TAOK1: variants seen among roughly 807,000 people sequenced by gnomAD.
TAOK1 encodes serine/threonine-protein kinase TAO1.
A neutral mutation model predicts 138.3 loss-of-function variants in TAOK1; 21 were observed. The ratio of observed to expected loss-of-function variants is 0.15; its 90% confidence interval spans 0.11 to 0.22. The LOEUF is 0.22. Ranked by LOEUF, TAOK1 falls within the 10% of genes least tolerant of loss-of-function variation. TAOK1 has a pLI of 1.00. For synonymous variants in TAOK1, 361 were observed against 398.4 expected (o/e 0.91, Z 1.12); for missense variants, 651 against 1,227.7 (o/e 0.53, Z 7.02).
At chr17:29,479,679 T>C (rs1046041249) in intron 6 of TAOK1, among the ~76,000 whole-genome samples, 2 of 152,174 alleles carry the variant, frequency 1.3e-5, no homozygotes, top group African/African-American at 4.8e-5. Flanking sequence ...GGCTTGGAAA[T>C]TCAGCACTTT....
chr17:29,427,604 G>A (rs1380312417), intron 1 of TAOK1, among the ~76,000 whole-genome samples: 2 of 150,778 alleles, frequency 1.3e-5, no homozygotes, highest in East Asian at 3.9e-4. Flanking sequence ...TAGGGTTTTT[G>A]GAAGCAGAGA....
At chr17:29,397,735 A>G (rs1203818460) in intron 1 of TAOK1, among the ~76,000 whole-genome samples, 1 of 117,864 alleles carries the variant, frequency 8.5e-6, no homozygotes, top group Non-Finnish European at 1.9e-5. Context: ...ATATACATAT[A>G]TACACGTATA....
At chr17:29,440,957 C>G (rs1399468163) in intron 1 of TAOK1, among the ~76,000 whole-genome samples, 1 of 152,026 alleles carries the variant, frequency 6.6e-6, no homozygotes, top group Non-Finnish European at 1.5e-5. Context: ...TGGGTTTTTT[C>G]CCTTCATTTT....
intron 1 of TAOK1, among the ~76,000 whole-genome samples, chr17:29,400,896 GTTTGCCTCTTT>G (rs1904817780): frequency 1.5e-5 from 2 of 132,356 alleles, no homozygotes; most frequent in Non-Finnish European, 3.2e-5. Context: ...GGAAACTTTT[GTTTGCCTCTTT>G]TTTTTTTTTT....
chr17:29,423,214 T>C (rs1905512263), intron 1 of TAOK1, among the ~76,000 whole-genome samples: 1 of 137,000 alleles, frequency 7.3e-6, no homozygotes, highest in East Asian at 2.9e-4. Context: ...TACTAAATCT[T>C]TCTTCTTTTC....
At chr17:29,433,863 C>G (rs1204559764) in intron 1 of TAOK1, among the ~76,000 whole-genome samples, 1 of 151,980 alleles carries the variant, frequency 6.6e-6, no homozygotes, top group Non-Finnish European at 1.5e-5. Context: ...CGGACGAAGA[C>G]CGATCTTAAC....
intron 18 of TAOK1, among the ~76,000 whole-genome samples, chr17:29,532,648 GTACC>G (rs1348576148): frequency 1.9e-4 from 29 of 152,298 alleles, no homozygotes; most frequent in Non-Finnish European, 4.4e-5. Flanking sequence ...GTTTCGGAGA[GTACC>G]GGGTTGGGGG....
At chr17:29,430,713 C>T (rs939810980) in intron 1 of TAOK1, among the ~76,000 whole-genome samples, 2 of 152,178 alleles carry the variant, frequency 1.3e-5, no homozygotes, top group Non-Finnish European at 2.9e-5. Flanking sequence ...TCTCCTGCCT[C>T]ATCTTCCTCT....
chr17:29,472,147 G>A (rs1451762021), intron 3 of TAOK1, among the ~76,000 whole-genome samples: 3 of 152,034 alleles, frequency 2.0e-5, no homozygotes, highest in Non-Finnish European at 4.4e-5. Flanking sequence ...CCATGAGTCG[G>A]AAACGTTCTT....
chr17:29,395,217 C>T (rs1028384368), intron 1 of TAOK1, among the ~76,000 whole-genome samples: 5 of 152,142 alleles, frequency 3.3e-5, no homozygotes, highest in African/African-American at 9.7e-5. Context: ...GCACTCTAGC[C>T]TGGGTGACAG....
chr17:29,535,343 G>C (rs900705798), intron 19 of TAOK1, among the ~76,000 whole-genome samples: 6 of 151,812 alleles, frequency 4.0e-5, no homozygotes, highest in Admixed American at 3.9e-4. Context: ...AACAGTGGTC[G>C]ATTATCAATT....
rs1425374847 is a variant in TAOK1, at chr17:29,482,174, TTTAAA to T, written c.564-18_564-14del. On this transcript the variant is annotated intron_variant, in intron 7 of 19. Transcript: ENST00000261716. ...AATACTTTTTAAAAAAAATCTTTAATTTAAATTAACGTTTTGTTCTAGGATGGCCC... is the reference window on the plus strand; with the variant it reads ...AATACTTTTTAAAAAAAATCTTTAATTTAACGTTTTGTTCTAGGATGGCCC... The T allele has an allele frequency of 2.9e-5, 45 of 1,567,374 alleles. No homozygotes were observed. Among genetic ancestry groups the T allele is most frequent in the African/African-American group, 2.6e-4 (19 of 73,352 alleles).
intron 1 of TAOK1, among the ~76,000 whole-genome samples, chr17:29,414,808 C>T (rs1905230263): frequency 6.6e-6 from 1 of 152,110 alleles, no homozygotes; most frequent in African/African-American, 2.4e-5. Flanking sequence ...ATCCGCCCGC[C>T]TTGGCCTCCC....
intron 2 of TAOK1, among the ~76,000 whole-genome samples, chr17:29,453,158 C>CT (rs1273106911): frequency 0.065 from 8,694 of 133,276 alleles, 386 homozygotes; most frequent in Middle Eastern, 0.12. Context: ...TTCTGGCTTA[C>CT]TTTTTTTTTT....
intron 1 of TAOK1, among the ~76,000 whole-genome samples, chr17:29,447,659 AT>A (rs1158926971): frequency 6.2e-4 from 91 of 147,174 alleles, no homozygotes; most frequent in Middle Eastern, 3.5e-3. Context: ...ATTTTATTTT[AT>A]TTTTTTTTTT....
chr17:29,487,969 A>G (rs1037103889), intron 8 of TAOK1, among the ~76,000 whole-genome samples: 1 of 152,214 alleles, frequency 6.6e-6, no homozygotes, highest in Non-Finnish European at 1.5e-5. Flanking sequence ...GCCGCCTCAT[A>G]GGATATAAAT....
intron 2 of TAOK1, among the ~76,000 whole-genome samples, chr17:29,461,463 G>T (rs906514082): frequency 6.6e-6 from 1 of 152,136 alleles, no homozygotes; most frequent in African/African-American, 2.4e-5. Context: ...TGTTAACCAA[G>T]AATTTTTCTA....
intron 8 of TAOK1, among the ~76,000 whole-genome samples, chr17:29,485,523 C>T (rs1465706386): frequency 6.6e-6 from 1 of 152,138 alleles, no homozygotes; most frequent in Middle Eastern, 3.2e-3. Context: ...CCTGTAGTCC[C>T]AGCTACTCGG....
At chr17:29,524,064 G>T (rs965748482) in intron 17 of TAOK1, among the ~76,000 whole-genome samples, 3 of 152,076 alleles carry the variant, frequency 2.0e-5, no homozygotes. Flanking sequence ...ATGCTTTATT[G>T]TTTTCATGTG....
Sources: gnomAD v4.1 joint callset for allele counts (sites outside exome capture counted in the v4.1 genomes callset) on GRCh38, gnomAD v4.1.1 for gene constraint, MANE v1.5 for transcripts, NCBI Gene and HGNC (gene_info 2026-07-23, HGNC 2026-07-21) for gene names.